The following HDLBP variants were observed in gnomAD, a reference collection of about 807,000 sequenced individuals.
HDLBP encodes the protein high density lipoprotein binding protein, also known as vigilin.
HDLBP carries 30 observed loss-of-function variants against 137.3 expected under a neutral mutation model. The observed-to-expected ratio is 0.22, with a 90% CI of 0.16 to 0.30. The LOEUF is 0.30. Among genes scored for constraint, HDLBP ranks in the 10% least tolerant of loss-of-function variants. The probability of loss-of-function intolerance (pLI) is 1.00; values close to 1 mark genes in which losing one functional copy is unlikely to be tolerated. For missense variants in HDLBP, 1,119 were observed against 1,667.3 expected (o/e 0.67, Z 5.73); for synonymous variants, 606 against 596.0 (o/e 1.02, Z -0.24).
At chr2:241,296,430 G>A (rs2075184467) in intron 1 of HDLBP, among the ~76,000 whole-genome samples, 1 of 152,116 alleles carries the variant, frequency 6.6e-6, no homozygotes, top group South Asian at 2.1e-4. Context: ...CTGTGATTTG[G>A]GGCTGCAAAA....
At chr2:241,288,682 C>G (rs769050922) in intron 1 of HDLBP, among the ~76,000 whole-genome samples, 10 of 152,156 alleles carry the variant, frequency 6.6e-5, no homozygotes, top group Non-Finnish European at 1.3e-4. Context: ...GCCATGGTAA[C>G]ACTAGTCTGC....
chr2:241,238,622 G>A lies in HDLBP; in HGVS notation c.2749+27C>T. 1.3e-6 allele frequency: 2 copies of A among 1,490,018 alleles called. No homozygotes were observed. The highest frequency in any genetic ancestry group is 1.8e-6 in the Non-Finnish European group (2 of 1,109,170). The allele number at this position is 1,490,018 out of a possible 1,614,324, so 92.3% of individuals were successfully genotyped here. ...ACATGGGAGGCGCCACTATTAACAA[G>A]CAGAGCAGGGCTAATGGGGGACCCA... On this transcript the variant is annotated intron_variant, in intron 20 of 27. Transcript: ENST00000310931. The surrounding 1 kb of genome is among the most constrained non-coding windows in gnomAD (Gnocchi z 4.9).
chr2:241,248,798 A>G (rs2071882710), intron 12 of HDLBP, among the ~76,000 whole-genome samples: 2 of 152,036 alleles, frequency 1.3e-5, no homozygotes, highest in Admixed American at 1.3e-4. Flanking sequence ...CTTTCCCCGC[A>G]TGGCTAAGAA....
At chr2:241,271,687 C>A (rs768065715) in intron 1 of HDLBP, among the ~76,000 whole-genome samples, 2 of 152,174 alleles carry the variant, frequency 1.3e-5, no homozygotes, top group Non-Finnish European at 2.9e-5. Context: ...TAATGAGACC[C>A]GCAAGTGCTT....
chr2:241,236,584 G>A lies in HDLBP; in HGVS notation c.2904+31C>T, dbSNP rs200553559. 103 of 1,608,086 alleles carry A rather than the reference G, an allele frequency of 6.4e-5. No individual in the cohort carries two copies. In the Middle Eastern group the frequency reaches 2.3e-3, roughly 36 times the overall value. On this transcript the variant is annotated intron_variant, in intron 21 of 27. Coordinates refer to ENST00000310931, the MANE Select transcript of HDLBP (RefSeq NM_005336.6). ...AGGTGCCTGCTGACTGGGCCTTGGC[G>A]GGGGGTGGAGGGGGGCACATGGACA...
Position 241,230,710 on chromosome 2 carries a change from G to T in HDLBP, c.3474+49C>A. 1 of 1,537,032 alleles carries T rather than the reference G, an allele frequency of 6.5e-7. No homozygotes were observed. The highest frequency in any genetic ancestry group is 2.3e-5 in the East Asian group (1 of 44,066). On this transcript the variant is annotated intron_variant, in intron 25 of 27. Coordinates refer to ENST00000310931, the MANE Select transcript of HDLBP (RefSeq NM_005336.6). This position sits in a 1 kb window ranked among gnomAD's most constrained non-coding sequence, Gnocchi z 5.0. ...TGCTCTTTCTTCTGGCCAGCCAGGT[G>T]CCCCCGGTGAGAGAGGATTCTCACC...
chr2:241,243,309 T>C (rs2071419779), intron 16 of HDLBP, among the ~76,000 whole-genome samples: 1 of 152,186 alleles, frequency 6.6e-6, no homozygotes, highest in Admixed American at 6.5e-5. Context: ...CATATACTGA[T>C]ACGCGTGAAG....
intron 27 of HDLBP, 62 bp downstream of exon 27, chr2:241,229,771 A>G (rs1295200980): frequency 6.3e-7 from 1 of 1,590,160 alleles, no homozygotes; most frequent in African/African-American, 1.3e-5. Flanking sequence ...CCCTCAGGAC[A>G]CCAAGCCCGC....
intron 5 of HDLBP, among the ~76,000 whole-genome samples, chr2:241,259,937 G>A (rs1435551602): frequency 6.6e-6 from 1 of 152,182 alleles, no homozygotes; most frequent in Non-Finnish European, 1.5e-5. Context: ...CTCAAGGTCT[G>A]TGGAAGGAAA....
At chr2:241,235,353 C>A (rs929320418) in intron 22 of HDLBP, 98 bp from the exon 23 acceptor site, 2 of 1,562,274 alleles carry the variant, frequency 1.3e-6, no homozygotes, top group African/African-American at 1.4e-5. Flanking sequence ...GGAAGGCCAC[C>A]CGCCGTGAAG....
chr2:241,267,675 A>C (rs1379100449), intron 2 of HDLBP: 2 of 1,535,464 alleles, frequency 1.3e-6, no homozygotes, highest in African/African-American at 2.7e-5. Flanking sequence ...ACCACCTCCA[A>C]ATCTCGACTT....
intron 1 of HDLBP, chr2:241,269,551 A>C (rs1401367459): frequency 2.0e-5 from 3 of 152,210 alleles, no homozygotes; most frequent in Non-Finnish European, 1.5e-5. Context: ...GGCTTGAGTC[A>C]CACAGGGAAC....
At chr2:241,237,300 G>A (rs902826119) in intron 20 of HDLBP, among the ~76,000 whole-genome samples, 15 of 152,184 alleles carry the variant, frequency 9.9e-5, no homozygotes, top group Non-Finnish European at 1.8e-4. Flanking sequence ...GCCAGAAAGC[G>A]AGAGCCCCAG....
At chr2:241,281,150 G>A (rs1453725511) in intron 1 of HDLBP, among the ~76,000 whole-genome samples, 2 of 152,190 alleles carry the variant, frequency 1.3e-5, no homozygotes, top group Non-Finnish European at 2.9e-5. Flanking sequence ...GAGGTCGAGA[G>A]ATCGAGATCA....
intron 9 of HDLBP, 68 bp from the exon 10 acceptor site, chr2:241,253,565 G>A (rs1300521439): frequency 1.8e-6 from 2 of 1,097,662 alleles, no homozygotes; most frequent in African/African-American, 3.1e-5. Context: ...AGCTCCCAGT[G>A]GGAGCTCTCT....
intron 1 of HDLBP, among the ~76,000 whole-genome samples, chr2:241,290,907 TAAG>T (rs1338354365): frequency 6.6e-6 from 1 of 152,332 alleles, no homozygotes; most frequent in East Asian, 1.9e-4. Context: ...ATCGTTACTG[TAAG>T]AATATATTGT....
At chr2:241,298,484 TA>T (rs2075269170) in intron 1 of HDLBP, among the ~76,000 whole-genome samples, 1 of 152,008 alleles carries the variant, frequency 6.6e-6, no homozygotes, top group African/African-American at 2.4e-5. Context: ...GGCAAAAGGG[TA>T]ACAATCAACC....
intron 1 of HDLBP, among the ~76,000 whole-genome samples, chr2:241,299,577 G>GAGA (rs1190566315): frequency 1.3e-5 from 2 of 149,850 alleles, no homozygotes; most frequent in Admixed American, 6.7e-5. Flanking sequence ...ATCAATATAG[G>GAGA]AGAGGGATGG....
intron 11 of HDLBP, among the ~76,000 whole-genome samples, chr2:241,252,415 T>C (rs980111123): frequency 3.3e-5 from 5 of 152,192 alleles, no homozygotes; most frequent in Non-Finnish European, 5.9e-5. Context: ...AGCTGGAGAA[T>C]TGCTTGAGCC....
Sources: allele counts gnomAD v4.1 joint callset (sites outside exome capture counted in the v4.1 genomes callset), GRCh38; gene constraint gnomAD v4.1.1; non-coding constraint Gnocchi (gnomAD v3.1); transcripts MANE v1.5; gene names NCBI Gene and HGNC (gene_info 2026-07-23, HGNC 2026-07-21).